WASHC2A: variants seen among roughly 807,000 people sequenced by gnomAD.
WASHC2A encodes WASH complex subunit 2A.
Under a neutral mutation model 140.3 loss-of-function variants are expected in WASHC2A, and 82 were observed. The observed-to-expected ratio is 0.58, with a 90% CI of 0.49 to 0.70. The LOEUF (loss-of-function observed/expected upper bound fraction) is 0.70. Ranked by LOEUF, WASHC2A falls within the 30% of genes least tolerant of loss-of-function variation. The probability of loss-of-function intolerance (pLI) is 0.00; values close to 1 mark genes in which losing one functional copy is unlikely to be tolerated. For missense variants in WASHC2A, 985 were observed against 1,521.8 expected (o/e 0.65, Z 5.87); for synonymous variants, 340 against 560.8 (o/e 0.61, Z 5.56).
Position 50,126,246 on chromosome 10 carries a change from C to A in WASHC2A, c.2811+67C>A. The A allele has an allele frequency of 5.0e-6, 8 of 1,610,238 alleles. No individual in the cohort carries two copies. The South Asian group carries it at 7.7e-5, about 16-fold the overall frequency. ...CCCAGTACAGAGAAATTCCATTATG[C>A]AGACCCACAGTTATTCAGACTTGTC... On this transcript the variant is annotated intron_variant, in intron 26 of 30. Transcript: ENST00000282633.
chr10:50,089,168 T>G lies in WASHC2A; in HGVS notation c.733-1608T>G, dbSNP rs1839654778. Among the ~76,000 whole-genome samples the G allele has an allele frequency of 2.1e-5, 3 of 141,968 alleles. No homozygotes were observed. In the Admixed American group the frequency reaches 2.2e-4, roughly 10 times the overall value. The allele number at this position is 141,968 out of a possible 152,430, so 93.1% of individuals were successfully genotyped here. Reference sequence around the variant, plus strand: ...TTAGTGGAGATGGGGTATCGCCATGTTGGCGCGGCTGGTCTTGAACTCCTG... The same window carrying G: ...TTAGTGGAGATGGGGTATCGCCATGGTGGCGCGGCTGGTCTTGAACTCCTG... On this transcript the variant is annotated intron_variant, in intron 8 of 30. Transcript: ENST00000282633.
intron 3 of WASHC2A, among the ~76,000 whole-genome samples, chr10:50,074,599 C>T (rs1363055049): frequency 1.3e-5 from 2 of 152,014 alleles, no homozygotes; most frequent in African/African-American, 4.8e-5. Flanking sequence ...AGTCCATTTC[C>T]CATGCAGACA....
At position 50,080,057 on chromosome 10, in the gene WASHC2A, A is replaced by T. The variant is rs1384548984; in HGVS notation, c.355-701A>T. On this transcript the variant is annotated intron_variant, in intron 4 of 30. Coordinates refer to ENST00000282633, the MANE Select transcript of WASHC2A (RefSeq NM_001005751.3). Reference sequence around the variant, plus strand: ...TAGAATATTTGTAGAGGGGGAAATGACACTAAATATTTTTCGGTATTTCTC... The same window carrying T: ...TAGAATATTTGTAGAGGGGGAAATGTCACTAAATATTTTTCGGTATTTCTC... 2.8e-3 allele frequency among the ~76,000 whole-genome samples: 427 copies of T among 151,976 alleles called. 1 individual carries two copies. The highest frequency in any genetic ancestry group is 4.2e-3 in the Non-Finnish European group (287 of 67,994).
chr10:50,078,860 C>T lies in WASHC2A; in HGVS notation c.354+123C>T, dbSNP rs1170190150. 8 of 1,589,122 alleles carry T rather than the reference C, an allele frequency of 5.0e-6. No individual in the cohort carries two copies. In the African/African-American group the frequency reaches 8.1e-5, roughly 16 times the overall value. The stretch of plus-strand genomic sequence containing the variant: ...TGGGAAAGGGAGGGACTGCTCCTGA[C>T]AGCAGCCCAAGAGGGGATTCTTTCC... On this transcript the variant is annotated intron_variant, in intron 4 of 30. Coordinates refer to ENST00000282633, the MANE Select transcript of WASHC2A (RefSeq NM_001005751.3).
Position 50,127,690 on chromosome 10 carries a change from A to G in WASHC2A, c.2982A>G (p.Arg994=). The change falls in exon 28 of 31, where the codon AGA becomes AGG. Residue 994 remains arginine (R), a synonymous_variant. Transcript: ENST00000282633. Reference sequence around the variant, plus strand: ...TGGCTTTTCCTTCATCTGAACACAGAAGGAGCCACGGTCTGGAAAGTGTGC... The same window carrying G: ...TGGCTTTTCCTTCATCTGAACACAGGAGGAGCCACGGTCTGGAAAGTGTGC... ...PELAFPSSEH[R]RSHGLESVPV... 3 of 1,587,874 alleles carry G rather than the reference A, an allele frequency of 1.9e-6. No homozygotes were observed. In the South Asian group the frequency reaches 3.4e-5, roughly 18 times the overall value.
chr10:50,110,204 C>A lies in WASHC2A; in HGVS notation c.1973C>A (p.Ala658Asp). 4 of 1,611,748 alleles carry A rather than the reference C, an allele frequency of 2.5e-6. No individual in the cohort carries two copies. The highest frequency in any genetic ancestry group is 3.4e-6 in the Non-Finnish European group (4 of 1,179,810). Residue 658 changes from alanine to aspartate, a missense_variant, in exon 20 of 31, where the codon GCT (alanine) becomes GAT (aspartate). Physicochemically the swap from Ala to Asp is moderately radical, Grantham distance 126. Coordinates refer to ENST00000282633, the MANE Select transcript of WASHC2A (RefSeq NM_001005751.3). ...ACCCTCCAGAGCCAGGAGGCCAAGG[C>A]TGTGAAAAAGACCAGTCTCTTTGAG... ...SGTLQSQEAK[A>D]VKKTSLFEED...
At chr10:50,102,421 A>T in intron 17 of WASHC2A, among the ~76,000 whole-genome samples, 1 of 152,046 alleles carries the variant, frequency 6.6e-6, no homozygotes, top group Admixed American at 6.6e-5. Flanking sequence ...TGTGATGTTG[A>T]CATTTGTTTT....
intron 28 of WASHC2A, 108 bp downstream of exon 28, chr10:50,127,903 G>A: frequency 6.7e-7 from 1 of 1,487,550 alleles, no homozygotes; most frequent in South Asian, 1.2e-5. Flanking sequence ...CTCTCCTTTT[G>A]AAGGAGGTGC....
chr10:50,076,790 C>G (rs1489654684), intron 3 of WASHC2A, among the ~76,000 whole-genome samples: 1 of 150,758 alleles, frequency 6.6e-6, no homozygotes, highest in Non-Finnish European at 1.5e-5. Context: ...ACCAGCCTGG[C>G]CAACATGGTG....
intron 20 of WASHC2A, among the ~76,000 whole-genome samples, chr10:50,111,296 G>C (rs1842270430): frequency 1.4e-5 from 2 of 141,900 alleles, no homozygotes; most frequent in South Asian, 4.7e-4. Flanking sequence ...TCAGGTTTCT[G>C]TCTCCAAATA....
At chr10:50,068,672 T>A (rs1554875113) in intron 2 of WASHC2A, among the ~76,000 whole-genome samples, 1 of 149,362 alleles carries the variant, frequency 6.7e-6, no homozygotes, top group Non-Finnish European at 1.5e-5. Context: ...AGAGTGGTGG[T>A]TGATTAGCTA....
chr10:50,070,416 A>C (rs1442606321), intron 3 of WASHC2A, among the ~76,000 whole-genome samples: 1 of 152,232 alleles, frequency 6.6e-6, no homozygotes, highest in East Asian at 1.9e-4. Context: ...AGGGTGTCCC[A>C]ACTTTCTGAA....
intron 7 of WASHC2A, among the ~76,000 whole-genome samples, chr10:50,086,306 C>T (rs1366095309): frequency 6.0e-5 from 9 of 150,658 alleles, no homozygotes; most frequent in East Asian, 5.9e-4. Context: ...AAGTAACTTT[C>T]GTATAACAAA....
chr10:50,131,183 G>A lies in WASHC2A; in HGVS notation c.3886+105G>A, dbSNP rs1240436748. 9.8e-6 allele frequency: 14 copies of A among 1,432,224 alleles called. No individual in the cohort carries two copies. In the East Asian group the frequency reaches 2.5e-4, roughly 26 times the overall value. 88.7% of individuals were successfully genotyped at this position (1,432,224 alleles called of 1,614,324 possible). A position where few individuals can be genotyped will look rare whatever the true frequency, so the allele number is the denominator to read the frequency against. Reference sequence around the variant, plus strand: ...GCCCTTTTCTGGAAAATGCACCCCAGCGGGTTCACTTCAGTGTAATCCTGA... The same window carrying A: ...GCCCTTTTCTGGAAAATGCACCCCAACGGGTTCACTTCAGTGTAATCCTGA... On this transcript the variant is annotated intron_variant, in intron 30 of 30. Transcript: ENST00000282633.
rs1842797782 is a variant in WASHC2A at position 50,117,920 on chromosome 10, C to T, written c.2157C>T (p.Val719=). ...VPPATKKKET[V]SEAPPLLFSD... ...TCTTTTGGTAGAAAAAAGAGACTGT[C>T]TCTGAGGCACCACCTTTGCTGTTCA... Residue 719 remains valine, a synonymous_variant, in exon 22 of 31, where the codon GTC becomes GTT. Coordinates refer to ENST00000282633, the MANE Select transcript of WASHC2A (RefSeq NM_001005751.3). 6.6e-7 allele frequency: 1 copy of T among 1,523,230 alleles called. No homozygotes were observed. The highest frequency in any genetic ancestry group is 9.0e-7 in the Non-Finnish European group (1 of 1,113,318). The allele number at this position is 1,523,230 out of a possible 1,614,324, so 94.4% of individuals were successfully genotyped here. A position where few individuals can be genotyped will look rare whatever the true frequency, so the allele number is the denominator to read the frequency against.
Position 50,118,026 on chromosome 10 carries a change from T to C in WASHC2A, c.2263T>C (p.Phe755Leu). 1 of 1,607,252 alleles carries C rather than the reference T, an allele frequency of 6.2e-7. No individual in the cohort carries two copies. Among genetic ancestry groups the C allele is most frequent in the Non-Finnish European group, 8.5e-7 (1 of 1,177,200 alleles). Reference sequence around the variant, plus strand: ...TGAGAGTGCCAAGGAGTCATTAAAATTTGGGAGAACTGATGTGGCTGAGTC... The same window carrying C: ...TGAGAGTGCCAAGGAGTCATTAAAACTTGGGAGAACTGATGTGGCTGAGTC... ...KVESAKESLK[F>L]GRTDVAESEK... Residue 755 changes from phenylalanine to leucine, a missense_variant, in exon 22 of 31, where the codon TTT becomes CTT. Transcript: ENST00000282633.
chr10:50,104,975 A>G (rs1841610919), intron 18 of WASHC2A, among the ~76,000 whole-genome samples: 2 of 150,698 alleles, frequency 1.3e-5, no homozygotes, highest in Admixed American at 1.3e-4. Context: ...TTTGTCTGCA[A>G]GATTTTTCAA....
chr10:50,128,418 C>A (rs1843639062), intron 28 of WASHC2A, among the ~76,000 whole-genome samples: 1 of 152,328 alleles, frequency 6.6e-6, no homozygotes, highest in East Asian at 1.9e-4. Flanking sequence ...CCCACAGCAG[C>A]GACACTGTTT....
intron 8 of WASHC2A, among the ~76,000 whole-genome samples, chr10:50,089,542 G>C (rs1839690205): frequency 6.6e-6 from 1 of 152,094 alleles, no homozygotes; most frequent in Non-Finnish European, 1.5e-5. Flanking sequence ...ATACTCTTCA[G>C]AGGTAACTGG....
Sources: allele counts gnomAD v4.1 joint callset (sites outside exome capture counted in the v4.1 genomes callset), GRCh38; gene constraint gnomAD v4.1.1; transcripts MANE v1.5; gene names NCBI Gene and HGNC (gene_info 2026-07-23, HGNC 2026-07-21).